FOXP1: variants seen among roughly 807,000 people sequenced by gnomAD.
FOXP1 encodes forkhead box P1, also known as forkhead box protein P1.
Under a neutral mutation model 98.2 loss-of-function variants are expected in FOXP1, and 15 were observed. That is an observed-to-expected ratio of 0.15 (90% confidence interval 0.10 to 0.24). The LOEUF (loss-of-function observed/expected upper bound fraction) is 0.24, where lower values mean the gene tolerates loss of function less well. Among genes scored for constraint, FOXP1 ranks in the 10% least tolerant of loss-of-function variants. The probability of loss-of-function intolerance (pLI) is 1.00; values close to 1 mark genes in which losing one functional copy is unlikely to be tolerated. For synonymous variants in FOXP1, 371 were observed against 314.5 expected (o/e 1.18, Z -1.90); for missense variants, 633 against 848.5 (o/e 0.75, Z 3.15).
chr3:71,172,042 CT>C (rs1367476498), intron 6 of FOXP1, among the ~76,000 whole-genome samples: 1 of 152,134 alleles, frequency 6.6e-6, no homozygotes, highest in Non-Finnish European at 1.5e-5. Flanking sequence ...GCAAATATTC[CT>C]TTGATAAGTA....
At position 71,430,253 on chromosome 3, in the gene FOXP1, G is replaced by A. The variant is rs189109357; in HGVS notation, c.-168+63173C>T. 3.1e-4 allele frequency among the ~76,000 whole-genome samples: 47 copies of A among 152,226 alleles called. No homozygotes were observed. In the East Asian group the frequency reaches 7.1e-3, roughly 23 times the overall value. On this transcript the variant is annotated intron_variant, in intron 3 of 20. Transcript: ENST00000649528. ...GATTTCGGCATTGCTAACTCAATCC[G>A]ACGGTCCTTACTTATAAAATAAAGA...
chr3:71,471,422 T>C (rs1274599186), intron 3 of FOXP1, among the ~76,000 whole-genome samples: 3 of 152,084 alleles, frequency 2.0e-5, no homozygotes, highest in African/African-American at 7.2e-5. Flanking sequence ...AGGTCACACT[T>C]TTCAGATTTT....
intron 6 of FOXP1, among the ~76,000 whole-genome samples, chr3:71,135,824 C>T (rs886111712): frequency 5.3e-5 from 8 of 152,216 alleles, no homozygotes; most frequent in African/African-American, 1.4e-4. Context: ...GGCTCCAAAA[C>T]GGCAGCGACC....
chr3:71,495,072 C>A (rs757628163), intron 2 of FOXP1, among the ~76,000 whole-genome samples: 42 of 152,226 alleles, frequency 2.8e-4, no homozygotes, highest in Admixed American at 1.5e-3. Flanking sequence ...GCTGCCTTAA[C>A]TACCAACCCA....
At chr3:71,567,613 C>T (rs997465298) in intron 2 of FOXP1, among the ~76,000 whole-genome samples, 4 of 152,210 alleles carry the variant, frequency 2.6e-5, no homozygotes, top group African/African-American at 9.7e-5. Flanking sequence ...CTGTCCAATG[C>T]AGTGGTACCG....
At chr3:71,472,201 T>A (rs1443014593) in intron 3 of FOXP1, among the ~76,000 whole-genome samples, 6 of 152,146 alleles carry the variant, frequency 3.9e-5, no homozygotes, top group African/African-American at 1.4e-4. Flanking sequence ...AGGGTGTTTG[T>A]TTTTACCTCC....
intron 3 of FOXP1, among the ~76,000 whole-genome samples, chr3:71,412,806 A>G (rs1208954897): frequency 6.6e-6 from 1 of 152,180 alleles, no homozygotes; most frequent in African/African-American, 2.4e-5. Flanking sequence ...AACAACTCGT[A>G]ATGCATATAT....
In FOXP1 at chr3:70,956,733, T is replaced by A. The variant is rs1027688703; in HGVS notation, c.*2514A>T. The A allele has an allele frequency of 3.2e-4, 5 of 15,446 alleles. No homozygotes were observed. The highest frequency in any genetic ancestry group is 4.8e-4 in the Non-Finnish European group (4 of 8,382). The allele number at this position is 15,446 out of a possible 1,614,324, so 1.0% of individuals were successfully genotyped here. A position where few individuals can be genotyped will look rare whatever the true frequency, so the allele number is the denominator to read the frequency against. The stretch of plus-strand genomic sequence containing the variant: ...CACATCATGAAGCTGCCTGGAAAAG[T>A]TTTTTTTTTTTTTTTTTTTTTTTTT... On this transcript the variant is annotated 3_prime_UTR_variant, in exon 21 of 21. Transcript: ENST00000649528.
chr3:71,365,570 C>G (rs1316817381), intron 3 of FOXP1, among the ~76,000 whole-genome samples: 2 of 151,592 alleles, frequency 1.3e-5, no homozygotes, highest in Non-Finnish European at 2.9e-5. Context: ...TTTAAAAAAG[C>G]AAAATAAACA....
intron 4 of FOXP1, among the ~76,000 whole-genome samples, chr3:71,331,458 A>T (rs1338520132): frequency 6.8e-6 from 1 of 146,072 alleles, no homozygotes; most frequent in African/African-American, 2.5e-5. Context: ...AGTCCCATCG[A>T]CCGCCCAAGG....
chr3:71,134,996 C>A (rs750297110), intron 6 of FOXP1, among the ~76,000 whole-genome samples: 7 of 152,086 alleles, frequency 4.6e-5, no homozygotes, highest in Non-Finnish European at 8.8e-5. Context: ...CGGTGGCTCA[C>A]GCCTGTAATC....
chr3:71,042,837 T>C (rs140289518), intron 10 of FOXP1, among the ~76,000 whole-genome samples: 93 of 152,168 alleles, frequency 6.1e-4, no homozygotes, highest in African/African-American at 2.2e-3. Flanking sequence ...ATACAATGGA[T>C]AGATAATCAT....
At chr3:71,096,288 G>A (rs1273641717) in intron 7 of FOXP1, among the ~76,000 whole-genome samples, 1 of 152,150 alleles carries the variant, frequency 6.6e-6, no homozygotes, top group Non-Finnish European at 1.5e-5. Flanking sequence ...ACATGGGTGG[G>A]CATAAAAAGC....
At chr3:71,278,003 G>C (rs2071094513) in intron 5 of FOXP1, among the ~76,000 whole-genome samples, 1 of 152,066 alleles carries the variant, frequency 6.6e-6, no homozygotes, top group Non-Finnish European at 1.5e-5. Context: ...ATGAGAAAAT[G>C]AAGAGTGTGG....
intron 5 of FOXP1, among the ~76,000 whole-genome samples, chr3:71,264,286 C>CT (rs556040365): frequency 3.9e-4 from 59 of 152,140 alleles, no homozygotes; most frequent in Non-Finnish European, 7.4e-4. Flanking sequence ...CCTGGAATGA[C>CT]TTCTAGAAAG....
At chr3:71,189,300 T>A (rs748550196) in intron 6 of FOXP1, among the ~76,000 whole-genome samples, 3 of 152,236 alleles carry the variant, frequency 2.0e-5, no homozygotes, top group Non-Finnish European at 4.4e-5. Flanking sequence ...CTCAAAGAGA[T>A]AAGCCCATTC....
At chr3:71,232,619 C>T (rs1272434982) in intron 5 of FOXP1, among the ~76,000 whole-genome samples, 1 of 151,894 alleles carries the variant, frequency 6.6e-6, no homozygotes, top group Non-Finnish European at 1.5e-5. Flanking sequence ...AGGGTCAGGG[C>T]TGGGTGTGGT....
intron 7 of FOXP1, 77 bp downstream of exon 7, chr3:71,112,459 A>G (rs2058020844): frequency 8.6e-7 from 1 of 1,166,280 alleles, no homozygotes; most frequent in Non-Finnish European, 1.3e-6. Context: ...GCAATGCTCA[A>G]CACAATCCAC....
At chr3:70,996,569 G>C (rs1237788790) in intron 13 of FOXP1, among the ~76,000 whole-genome samples, 1 of 152,208 alleles carries the variant, frequency 6.6e-6, no homozygotes, top group Non-Finnish European at 1.5e-5. Flanking sequence ...ATAGATCAGA[G>C]ACACAAGGGC....
Sources: allele counts gnomAD v4.1 joint callset (sites outside exome capture counted in the v4.1 genomes callset), GRCh38; gene constraint gnomAD v4.1.1; transcripts MANE v1.5; gene names NCBI Gene and HGNC (gene_info 2026-07-23, HGNC 2026-07-21).